The following CAPN15 variants were observed in gnomAD, a reference collection of about 807,000 sequenced individuals.
CAPN15 encodes calpain 15, also known as calpain-15.
Under a neutral mutation model 97.9 loss-of-function variants are expected in CAPN15, and 53 were observed. The ratio of observed to expected loss-of-function variants is 0.54; its 90% CI spans 0.43 to 0.68. CAPN15 has a LOEUF of 0.68. Ranked by LOEUF, CAPN15 falls within the 30% of genes least tolerant of loss-of-function variation. CAPN15 has a pLI of 0.00. For synonymous variants in CAPN15, 922 were observed against 722.5 expected (o/e 1.28, Z -4.43); for missense variants, 1,592 against 1,589.8 (o/e 1.00, Z -0.02).
At chr16:528,716 T>G in intron 1 of CAPN15, 1 of 985,378 alleles carries the variant, frequency 1.0e-6, no homozygotes, top group Non-Finnish European at 1.2e-6. Context: ...GTTACCGGAC[T>G]GCAGGTAACA....
At position 546,618 on chromosome 16, in the gene CAPN15, G is replaced by A. The variant is rs573646985; in HGVS notation, c.-22-199G>A. 1.1e-4 allele frequency among the ~76,000 whole-genome samples: 17 copies of A among 152,302 alleles called. No homozygotes were observed. The East Asian group carries it at 2.9e-3, about 26-fold the overall frequency. On this transcript the variant is annotated intron_variant, in intron 3 of 13. Transcript: ENST00000219611. Reference sequence around the variant, plus strand: ...CAAGGGGTCTGCTGAGCCTCCAACGGGCAAGAGGGGCCCTGAGCCATGGAT... The same window carrying A: ...CAAGGGGTCTGCTGAGCCTCCAACGAGCAAGAGGGGCCCTGAGCCATGGAT...
chr16:553,823 C>T lies in CAPN15; in HGVS notation c.*307C>T. The T allele has an allele frequency of 3.2e-6, 1 of 309,724 alleles. No individual in the cohort carries two copies. Among genetic ancestry groups the T allele is most frequent in the Non-Finnish European group, 6.0e-6 (1 of 167,280 alleles). The allele number at this position is 309,724 out of a possible 1,614,324, so 19.2% of individuals were successfully genotyped here. A position where few individuals can be genotyped will look rare whatever the true frequency, so the allele number is the denominator to read the frequency against. ...GGGGGCCGAGGCCAGGCTGCCCCTCCCTGTGGGCTCAGGGTCTCCTGCGGG... is the reference window on the plus strand; with the variant it reads ...GGGGGCCGAGGCCAGGCTGCCCCTCTCTGTGGGCTCAGGGTCTCCTGCGGG... On this transcript the variant is annotated 3_prime_UTR_variant, in exon 14 of 14. Coordinates refer to ENST00000219611, the MANE Select transcript of CAPN15 (RefSeq NM_005632.3).
rs1309090030 is a variant in CAPN15, at chr16:554,363, CCTCA to C, written c.*851_*854del. ...CAGCTTTCTGCGTGCCCTCCTGGCC[CCTCA>C]CTCCCGGCAGCGGGCCGGCCTCGCC... On this transcript the variant is annotated 3_prime_UTR_variant, in exon 14 of 14. Coordinates refer to ENST00000219611, the MANE Select transcript of CAPN15 (RefSeq NM_005632.3). 5.2e-6 allele frequency: 2 copies of C among 387,704 alleles called. No individual in the cohort carries two copies. Among genetic ancestry groups the C allele is most frequent in the Admixed American group, 3.0e-5 (1 of 33,068 alleles). 24.0% of individuals were successfully genotyped at this position (387,704 alleles called of 1,614,324 possible).
intron 1 of CAPN15, chr16:528,881 C>G: frequency 1.9e-6 from 1 of 525,786 alleles, no homozygotes; most frequent in Non-Finnish European, 2.4e-6. Context: ...CTGAGGGGTG[C>G]GGAAACGTGA....
At chr16:545,897 G>A (rs184687049) in intron 3 of CAPN15, among the ~76,000 whole-genome samples, 132 of 152,376 alleles carry the variant, frequency 8.7e-4, no homozygotes, top group African/African-American at 3.0e-3. Context: ...GAACGTGCAG[G>A]TGCGGCCGGG....
chr16:547,599 A>C lies in CAPN15; in HGVS notation c.761A>C (p.Gln254Pro). The C allele has an allele frequency of 6.4e-7, 1 of 1,574,384 alleles. No individual in the cohort carries two copies. Among genetic ancestry groups the C allele is most frequent in the Non-Finnish European group, 8.6e-7 (1 of 1,161,998 alleles). The change falls in exon 4 of 14, where the codon CAG becomes CCG. Residue 254 changes from glutamine (Q) to proline (P), a missense_variant. Transcript: ENST00000219611. ...VPRSRREVPP[Q>P]LQPPVPEAAQ... ...CGCAGCCGACGCGAGGTTCCCCCCCAGCTGCAGCCACCGGTGCCTGAGGCT... is the reference window on the plus strand; with the variant it reads ...CGCAGCCGACGCGAGGTTCCCCCCCCGCTGCAGCCACCGGTGCCTGAGGCT...
At position 553,672 on chromosome 16, in the gene CAPN15, C is replaced by T. The variant is rs1240836832; in HGVS notation, c.*156C>T. 4.1e-5 allele frequency: 22 copies of T among 540,984 alleles called. No homozygotes were observed. The highest frequency in any genetic ancestry group is 7.0e-5 in the Non-Finnish European group (22 of 314,040). 33.5% of individuals were successfully genotyped at this position (540,984 alleles called of 1,614,324 possible). ...GGCTCAGCTTCCCATGGGCCCCCCGCCCCCCTCCTTCCCCTCCCTGAACCC... is the reference window on the plus strand; with the variant it reads ...GGCTCAGCTTCCCATGGGCCCCCCGTCCCCCTCCTTCCCCTCCCTGAACCC... On this transcript the variant is annotated 3_prime_UTR_variant, in exon 14 of 14. Transcript: ENST00000219611.
In CAPN15 at chr16:535,790, A is replaced by G. The variant is rs2033662054; in HGVS notation, c.-136-239A>G. ...GCTGGTTCCCATTCGCGAGCACCTGAAACAGCCTGGCCCACAGCAGAGGCC... is the reference window on the plus strand; with the variant it reads ...GCTGGTTCCCATTCGCGAGCACCTGGAACAGCCTGGCCCACAGCAGAGGCC... On this transcript the variant is annotated intron_variant, in intron 2 of 13. Coordinates refer to ENST00000219611, the MANE Select transcript of CAPN15 (RefSeq NM_005632.3). The surrounding 1 kb of genome is among the most constrained non-coding windows in gnomAD (Gnocchi z 6.2). Among the ~76,000 whole-genome samples the G allele has an allele frequency of 6.6e-6, 1 of 152,080 alleles. No homozygotes were observed. The highest frequency in any genetic ancestry group is 6.5e-5 in the Admixed American group (1 of 15,282).
chr16:531,215 T>C (rs529393545), intron 1 of CAPN15, among the ~76,000 whole-genome samples: 1 of 152,358 alleles, frequency 6.6e-6, no homozygotes, highest in East Asian at 1.9e-4. Flanking sequence ...AGTTTTATTT[T>C]TTTGAGCCAG....
At chr16:528,881 C>A in intron 1 of CAPN15, 3 of 525,782 alleles carry the variant, frequency 5.7e-6, no homozygotes, top group Non-Finnish European at 7.3e-6. Context: ...CTGAGGGGTG[C>A]GGAAACGTGA....
chr16:549,680 C>T lies in CAPN15; in HGVS notation c.1908C>T (p.Tyr636=), dbSNP rs1377693549. Residue 636 remains tyrosine, a synonymous_variant, in exon 7 of 14, where the codon TAC becomes TAT. Transcript: ENST00000219611. ...CGCTGGCCAAGCTGCACGGCTCCTA[C>T]TTTGCGCTCCAGGCGGGCCGCGCCA... The part of the protein sequence containing the change: ...EKALAKLHGS[Y]FALQAGRAIE... 2 of 1,564,552 alleles carry T rather than the reference C, an allele frequency of 1.3e-6. No individual in the cohort carries two copies. Among genetic ancestry groups the T allele is most frequent in the Admixed American group, 1.8e-5 (1 of 55,018 alleles).
At chr16:536,955 G>A in intron 3 of CAPN15, 1 of 191,404 alleles carries the variant, frequency 5.2e-6, no homozygotes, top group Non-Finnish European at 9.6e-6. Flanking sequence ...GGCCTCGCCA[G>A]CCAGGGCAGG....
intron 1 of CAPN15, 139 bp downstream of exon 1, chr16:528,168 C>T (rs969459494): frequency 9.9e-5 from 15 of 151,176 alleles, no homozygotes; most frequent in African/African-American, 3.6e-4. Context: ...GGCTCCGAGC[C>T]AGGGCAGGGA....
At position 554,621 on chromosome 16, in the gene CAPN15, G is replaced by A; in HGVS notation, c.*1105G>A. The stretch of plus-strand genomic sequence containing the variant: ...TCAGGCTCCAATGGACCAAATAAAA[G>A]CGTTTTGTTTTGTAATCACGCCTCC... On this transcript the variant is annotated 3_prime_UTR_variant, in exon 14 of 14. Coordinates refer to ENST00000219611, the MANE Select transcript of CAPN15 (RefSeq NM_005632.3). The A allele has an allele frequency of 4.4e-6, 2 of 456,210 alleles. No individual in the cohort carries two copies. Among genetic ancestry groups the A allele is most frequent in the Non-Finnish European group, 8.8e-6 (2 of 226,730 alleles). 28.3% of individuals were successfully genotyped at this position (456,210 alleles called of 1,614,324 possible).
At position 553,568 on chromosome 16, in the gene CAPN15, C is replaced by T. The variant is rs762768865; in HGVS notation, c.*52C>T. The T allele has an allele frequency of 2.3e-5, 27 of 1,193,464 alleles. No individual in the cohort carries two copies. Among genetic ancestry groups the T allele is most frequent in the Non-Finnish European group, 2.9e-5 (24 of 835,126 alleles). The allele number at this position is 1,193,464 out of a possible 1,614,324, so 73.9% of individuals were successfully genotyped here. ...CACAGACGGACCCCCCACCCCCACA[C>T]GCACTTTATGAGGGAGACCCCGACA... On this transcript the variant is annotated 3_prime_UTR_variant, in exon 14 of 14. Transcript: ENST00000219611.
chr16:540,380 T>C lies in CAPN15; in HGVS notation c.-23+4238T>C, dbSNP rs1264023256. The C allele has an allele frequency of 7.1e-6, 7 of 983,974 alleles. No individual in the cohort carries two copies. In the East Asian group the frequency reaches 8.0e-4, roughly 112 times the overall value. 61.0% of individuals were successfully genotyped at this position (983,974 alleles called of 1,614,324 possible). A position where few individuals can be genotyped will look rare whatever the true frequency, so the allele number is the denominator to read the frequency against. ...CGGCCCCGGGCCCGAAGGTAAGAGG[T>C]GGGGAGGGGTGGCCCCGGAGGGCTC... is the stretch of plus-strand genomic sequence containing the variant. On this transcript the variant is annotated intron_variant, in intron 3 of 13. Transcript: ENST00000219611.
intron 3 of CAPN15, chr16:538,284 A>C (rs111814655): frequency 0.086 from 12,811 of 148,388 alleles, 578 homozygotes; most frequent in Middle Eastern, 0.14. Flanking sequence ...CCCACCTCTC[A>C]CAGAGTATTG....
At position 552,971 on chromosome 16, in the gene CAPN15, A is replaced by G; in HGVS notation, c.3013A>G (p.Thr1005Ala). The change falls in exon 13 of 14, where the codon ACC becomes GCC. Residue 1005 changes from threonine to alanine, a missense_variant. By Grantham distance (58) the Thr-to-Ala change is moderately conservative. Coordinates refer to ENST00000219611, the MANE Select transcript of CAPN15 (RefSeq NM_005632.3). This position sits in a 1 kb window ranked among gnomAD's most constrained non-coding sequence, Gnocchi z 6.4. ...CTACCTGCACGTGCAGTGTGACTGCACCGACAGCTTCAACGTGGTGTCCAC... is the reference window on the plus strand; with the variant it reads ...CTACCTGCACGTGCAGTGTGACTGCGCCGACAGCTTCAACGTGGTGTCCAC... ...KAYLHVQCDCTDSFNVVSTRG... is the reference protein window; with the variant it reads ...KAYLHVQCDCADSFNVVSTRG... The G allele has an allele frequency of 6.2e-7, 1 of 1,611,680 alleles. No individual in the cohort carries two copies. The highest frequency in any genetic ancestry group is 8.5e-7 in the Non-Finnish European group (1 of 1,179,416).
chr16:546,867 T>C lies in CAPN15; in HGVS notation c.29T>C (p.Val10Ala). The C allele has an allele frequency of 2.5e-6, 4 of 1,611,234 alleles. No homozygotes were observed. Among genetic ancestry groups the C allele is most frequent in the Non-Finnish European group, 3.4e-6 (4 of 1,179,306 alleles). The part of the protein sequence containing the change: MATVGEWSC[V>A]RCTFLNPAGQ... Reference sequence around the variant, plus strand: ...GCCACGGTCGGAGAGTGGTCCTGTGTGCGCTGCACCTTCCTGAACCCGGCC... The same window carrying C: ...GCCACGGTCGGAGAGTGGTCCTGTGCGCGCTGCACCTTCCTGAACCCGGCC... Residue 10 changes from valine to alanine, a missense_variant, in exon 4 of 14, where the codon GTG becomes GCG. This residue lies in a region of CAPN15 where 883 missense variants were observed against 776.6 expected (regional missense o/e 1.14). Coordinates refer to ENST00000219611, the MANE Select transcript of CAPN15 (RefSeq NM_005632.3).
Sources: gnomAD v4.1 joint callset for allele counts (sites outside exome capture counted in the v4.1 genomes callset) on GRCh38, gnomAD v4.1.1 for gene constraint, gnomAD v4.1.1 regional missense constraint, Gnocchi (gnomAD v3.1) non-coding constraint, MANE v1.5 for transcripts, NCBI Gene and HGNC (gene_info 2026-07-23, HGNC 2026-07-21) for gene names.